HMGB1: variants seen among roughly 807,000 people sequenced by gnomAD.
The protein encoded by HMGB1 is high mobility group protein B1.
For synonymous variants in HMGB1, 81 were observed against 84.0 expected (o/e 0.96, Z 0.19); for missense variants, 79 against 253.5 (o/e 0.31, Z 4.67).
intron 1 of HMGB1, among the ~76,000 whole-genome samples, chr13:30,610,738 CAA>C (rs71192663): frequency 1.2e-4 from 17 of 143,832 alleles, no homozygotes; most frequent in South Asian, 2.2e-4. Flanking sequence ...TACACTAAAA[CAA>C]AAAAAAAAAA....
intron 1 of HMGB1, among the ~76,000 whole-genome samples, chr13:30,519,421 C>T (rs375616482): frequency 4.3e-4 from 62 of 143,920 alleles, no homozygotes; most frequent in East Asian, 1.7e-3. Context: ...AAAGGCCGGG[C>T]GCGGTGGTTC....
Position 30,461,283 on chromosome 13 carries a change from T to C in HMGB1, c.*74A>G. The C allele has an allele frequency of 6.6e-7, 1 of 1,505,748 alleles. No individual in the cohort carries two copies. The highest frequency in any genetic ancestry group is 8.8e-7 in the Non-Finnish European group (1 of 1,131,092). 93.3% of individuals were successfully genotyped at this position (1,505,748 alleles called of 1,614,324 possible). ...AGCCTTACATTTCAATTTTTTTCTT[T>C]AAAAGGAGTGAGTTGTGTACAGGGG... On this transcript the variant is annotated 3_prime_UTR_variant, in exon 5 of 5. Coordinates refer to ENST00000341423, the MANE Select transcript of HMGB1 (RefSeq NM_002128.7).
chr13:30,544,212 G>A (rs563948704), intron 1 of HMGB1, among the ~76,000 whole-genome samples: 18 of 152,318 alleles, frequency 1.2e-4, no homozygotes, highest in Admixed American at 1.2e-3. Flanking sequence ...GTCCACTTCT[G>A]CCCCAAAAGT....
At chr13:30,538,707 C>CTTTCTTTCTTCTT (rs1868689154) in intron 1 of HMGB1, among the ~76,000 whole-genome samples, 1 of 48,072 alleles carries the variant, frequency 2.1e-5, no homozygotes, top group South Asian at 5.8e-4. Context: ...CTTTCTTTTT[C>CTTTCTTTCTTCTT]TTTCTTTCTT....
chr13:30,538,545 CTTTCTTTCTTTTTCTTTCTTCTT>C (rs1868614578), intron 1 of HMGB1, among the ~76,000 whole-genome samples: 1 of 104,212 alleles, frequency 9.6e-6, no homozygotes, highest in African/African-American at 5.8e-5. Context: ...TCCTTTCTTT[CTTTCTTTCTTTTTCTTTCTTCTT>C]TTTCTTTCTT....
At chr13:30,520,252 G>A (rs1259317574) in intron 1 of HMGB1, among the ~76,000 whole-genome samples, 2 of 152,066 alleles carry the variant, frequency 1.3e-5, no homozygotes, top group Non-Finnish European at 2.9e-5. Context: ...AACCTGGGAG[G>A]TGGAGGTTGC....
intron 1 of HMGB1, among the ~76,000 whole-genome samples, chr13:30,481,669 G>T (rs1487069885): frequency 6.6e-6 from 1 of 152,168 alleles, no homozygotes; most frequent in African/African-American, 2.4e-5. Context: ...CCATCATGAT[G>T]AAAACAGTAA....
At chr13:30,558,651 C>G (rs9579602) in intron 1 of HMGB1, among the ~76,000 whole-genome samples, 1 of 151,956 alleles carries the variant, frequency 6.6e-6, no homozygotes, top group South Asian at 2.1e-4. Context: ...TGAAACCTTC[C>G]TTTTTCCAAA....
At chr13:30,616,255 G>C (rs1593350033) in intron 1 of HMGB1, among the ~76,000 whole-genome samples, 1 of 152,058 alleles carries the variant, frequency 6.6e-6, no homozygotes, top group Non-Finnish European at 1.5e-5. Flanking sequence ...CTCAAGCCCC[G>C]CCTCCATTTT....
At chr13:30,533,745 G>T (rs1888548628) in intron 1 of HMGB1, among the ~76,000 whole-genome samples, 1 of 151,968 alleles carries the variant, frequency 6.6e-6, no homozygotes, top group Admixed American at 6.6e-5. Context: ...AACTAAAACA[G>T]AAGTGTCATA....
chr13:30,553,476 T>C (rs1043218466), intron 1 of HMGB1, among the ~76,000 whole-genome samples: 6 of 152,226 alleles, frequency 3.9e-5, no homozygotes, highest in African/African-American at 1.4e-4. Flanking sequence ...ATAATGAAGA[T>C]AATACTTTAT....
At chr13:30,585,580 A>T (rs1053951104) in intron 1 of HMGB1, among the ~76,000 whole-genome samples, 12 of 151,930 alleles carry the variant, frequency 7.9e-5, no homozygotes, top group South Asian at 2.1e-4. Flanking sequence ...CGGGAGGCTG[A>T]GGGGGGAGAA....
intron 1 of HMGB1, among the ~76,000 whole-genome samples, chr13:30,478,084 C>T: frequency 6.6e-6 from 1 of 152,174 alleles, no homozygotes; most frequent in East Asian, 1.9e-4. Flanking sequence ...TAAGTACTAC[C>T]AGCAAATTGA....
chr13:30,462,664 T>A lies in HMGB1; in HGVS notation c.345A>T (p.Gly115=). The stretch of plus-strand genomic sequence containing the variant: ...CACCAATGGACAGGCCAGGATGTTC[T>A]CCTTTGATTTTTGGGCGATACTCAG... ...FCSEYRPKIK[G]EHPGLSIGDV... The change falls in exon 4 of 5, where the codon GGA becomes GGT. Residue 115 remains glycine (G), a synonymous_variant. Transcript: ENST00000341423. The A allele has an allele frequency of 6.2e-7, 1 of 1,613,006 alleles. No individual in the cohort carries two copies. Among genetic ancestry groups the A allele is most frequent in the Non-Finnish European group, 8.5e-7 (1 of 1,179,176 alleles).
intron 1 of HMGB1, among the ~76,000 whole-genome samples, chr13:30,474,844 C>G (rs1887033263): frequency 7.1e-6 from 1 of 139,944 alleles, no homozygotes; most frequent in Admixed American, 7.1e-5. Flanking sequence ...CTCTCTCTCT[C>G]TCTTTTTTTG....
intron 1 of HMGB1, among the ~76,000 whole-genome samples, chr13:30,528,361 C>T (rs979874788): frequency 6.6e-6 from 1 of 152,108 alleles, no homozygotes; most frequent in Non-Finnish European, 1.5e-5. Context: ...TGAAGGGGTT[C>T]CCAGCCCAGG....
At chr13:30,548,519 G>A (rs78441585) in intron 1 of HMGB1, among the ~76,000 whole-genome samples, 3,033 of 152,212 alleles carry the variant, frequency 0.02, 46 homozygotes, top group Non-Finnish European at 0.03. Context: ...TTTCATTAGC[G>A]AACAGTGTCT....
intron 1 of HMGB1, among the ~76,000 whole-genome samples, chr13:30,545,001 T>G (rs904657414): frequency 2.6e-5 from 4 of 152,210 alleles, no homozygotes; most frequent in Non-Finnish European, 5.9e-5. Flanking sequence ...GCCTCTGATC[T>G]TGTTTTAGGT....
At chr13:30,561,926 C>G (rs1229025088) in intron 1 of HMGB1, among the ~76,000 whole-genome samples, 1 of 152,130 alleles carries the variant, frequency 6.6e-6, no homozygotes, top group Non-Finnish European at 1.5e-5. Context: ...AGCAACTGGT[C>G]CCCCAACTTC....
Sources: allele counts gnomAD v4.1 joint callset (sites outside exome capture counted in the v4.1 genomes callset), GRCh38; gene constraint gnomAD v4.1.1; transcripts MANE v1.5; gene names NCBI Gene and HGNC (gene_info 2026-07-23, HGNC 2026-07-21).